SYNJ2: variants seen among roughly 807,000 people sequenced by gnomAD.
SYNJ2 encodes polyphosphatidylinositol phosphatase SYNJ2.
SYNJ2 carries 116 observed loss-of-function variants against 141.3 expected under a neutral mutation model. The observed-to-expected ratio is 0.82, with a 90% CI of 0.71 to 0.96. The LOEUF is 0.96. SYNJ2 is among the 40% of genes least tolerant of loss of function. The pLI, the probability that SYNJ2 is intolerant of heterozygous loss-of-function variation, is 0.00. For missense variants in SYNJ2, 1,873 were observed against 1,934.8 expected, an observed-to-expected ratio of 0.97 and a Z score of 0.60; for synonymous variants, 745 against 777.7, an observed-to-expected ratio of 0.96 and a Z score of 0.70.
intron 1 of SYNJ2, among the ~76,000 whole-genome samples, chr6:157,993,206 T>C (rs933895126): frequency 6.6e-6 from 1 of 152,222 alleles, no homozygotes; most frequent in African/African-American, 2.4e-5. Context: ...ATTGCCTGAC[T>C]TTTGGATGTA....
In SYNJ2 at chr6:158,040,788, G is replaced by A. The variant is rs927420335; in HGVS notation, c.712-2528G>A. Among the ~76,000 whole-genome samples, 5 of 152,196 alleles carry A rather than the reference G, an allele frequency of 3.3e-5. No homozygotes were observed. The highest frequency in any genetic ancestry group is 1.2e-4 in the African/African-American group (5 of 41,440). The stretch of plus-strand genomic sequence containing the variant: ...GGTTTCTGTTCCCACTGCTCTGGAA[G>A]CGTCACTCAGGGTCACCCTCTGGCT... On this transcript the variant is annotated intron_variant, in intron 4 of 26. Transcript: ENST00000355585. The surrounding 1 kb of genome is among the most constrained non-coding windows in gnomAD (Gnocchi z 4.2).
chr6:158,055,707 C>T (rs1335329227), intron 6 of SYNJ2, among the ~76,000 whole-genome samples: 2 of 152,060 alleles, frequency 1.3e-5, no homozygotes, highest in East Asian at 1.9e-4. Flanking sequence ...TAAAAATTCT[C>T]GAAAGTAATG....
At position 158,097,359 on chromosome 6, in the gene SYNJ2, A is replaced by G. The variant is rs117679349; in HGVS notation, c.*995A>G. ...CCAGTGTTTCTGGGTTTGCTTGTCT[A>G]TATGTTTGTCTATATTTTTTGCCTA... On this transcript the variant is annotated 3_prime_UTR_variant, in exon 27 of 27. Coordinates refer to ENST00000355585, the MANE Select transcript of SYNJ2 (RefSeq NM_003898.4). 21 of 152,254 alleles carry G rather than the reference A, an allele frequency of 1.4e-4. No homozygotes were observed. The East Asian group carries it at 4.1e-3, about 29-fold the overall frequency. 9.4% of individuals were successfully genotyped at this position (152,254 alleles called of 1,614,324 possible).
chr6:158,042,394 A>G (rs1009886133), intron 4 of SYNJ2, among the ~76,000 whole-genome samples: 3 of 152,184 alleles, frequency 2.0e-5, no homozygotes, highest in African/African-American at 7.2e-5. Context: ...GTGTGATCTG[A>G]GCGTGATCTC....
intron 1 of SYNJ2, among the ~76,000 whole-genome samples, chr6:157,993,846 GCT>G (rs1777546916): frequency 1.9e-5 from 2 of 104,934 alleles, no homozygotes; most frequent in South Asian, 7.1e-4. Flanking sequence ...ACGGAGTCTC[GCT>G]CTGTCTCCCA....
At chr6:157,995,733 G>A (rs1046274296) in intron 1 of SYNJ2, among the ~76,000 whole-genome samples, 3 of 152,152 alleles carry the variant, frequency 2.0e-5, no homozygotes, top group Non-Finnish European at 2.9e-5. Flanking sequence ...TCCGTGAGCC[G>A]GGTGACAAGC....
In SYNJ2 at chr6:158,084,317, G is replaced by C. The variant is rs534167886; in HGVS notation, c.3208+143G>C. 1 of 913,282 alleles carries C rather than the reference G, an allele frequency of 1.1e-6. No individual in the cohort carries two copies. Among genetic ancestry groups the C allele is most frequent in the East Asian group, 2.5e-5 (1 of 39,506 alleles). The allele number at this position is 913,282 out of a possible 1,614,324, so 56.6% of individuals were successfully genotyped here. On this transcript the variant is annotated intron_variant, in intron 22 of 26. Transcript: ENST00000355585. The surrounding 1 kb of genome is among the most constrained non-coding windows in gnomAD (Gnocchi z 5.0). ...GACCTCAACCAGGCAGGCCAAGCGA[G>C]GGGTAGGGACTGAGCCCTGTGGAGG...
rs1041099558 is a variant in SYNJ2 at position 157,981,866 on chromosome 6, ACT to A, written c.-93_-92del. 6.8e-5 allele frequency: 76 copies of A among 1,113,552 alleles called. No individual in the cohort carries two copies. The highest frequency in any genetic ancestry group is 1.1e-4 in the African/African-American group (7 of 61,452). The allele number at this position is 1,113,552 out of a possible 1,614,324, so 69.0% of individuals were successfully genotyped here. A position where few individuals can be genotyped will look rare whatever the true frequency, so the allele number is the denominator to read the frequency against. ...GGCGGGAGCGGCGGCGCAAAGTGAA[ACT>A]CTGGCAAGTTGCGGGCGCGCGGGGA... On this transcript the variant is annotated 5_prime_UTR_variant, in exon 1 of 27. Coordinates refer to ENST00000355585, the MANE Select transcript of SYNJ2 (RefSeq NM_003898.4). The surrounding 1 kb of genome is among the most constrained non-coding windows in gnomAD (Gnocchi z 6.4).
intron 1 of SYNJ2, among the ~76,000 whole-genome samples, chr6:157,996,301 G>A (rs190477696): frequency 1.3e-5 from 2 of 152,130 alleles, no homozygotes; most frequent in East Asian, 1.9e-4. Flanking sequence ...GAATCCCACC[G>A]AGTCCCCCGG....
At chr6:158,042,641 C>T (rs866616036) in intron 4 of SYNJ2, among the ~76,000 whole-genome samples, 77 of 152,328 alleles carry the variant, frequency 5.1e-4, no homozygotes, top group African/African-American at 1.6e-3. Context: ...AATAGCTGTA[C>T]GTGTGGGTGG....
At chr6:158,025,544 C>T (rs1778997090) in intron 2 of SYNJ2, among the ~76,000 whole-genome samples, 3 of 151,972 alleles carry the variant, frequency 2.0e-5, no homozygotes. Flanking sequence ...GGTATAATCC[C>T]AGCAACTCGG....
chr6:158,029,394 CAAAAAAAAAA>C (rs59043421), intron 3 of SYNJ2: 6,704 of 92,616 alleles, frequency 0.072, 237 homozygotes, highest in Non-Finnish European at 0.1. Flanking sequence ...ACTAAAAATA[CAAAAAAAAAA>C]AAAAAAAAAA....
rs1454828033 is a variant in SYNJ2 at position 158,071,810 on chromosome 6, G to A, written c.2133+16G>A. On this transcript the variant is annotated intron_variant, in intron 15 of 26. Coordinates refer to ENST00000355585, the MANE Select transcript of SYNJ2 (RefSeq NM_003898.4). The surrounding 1 kb of genome is among the most constrained non-coding windows in gnomAD (Gnocchi z 4.3). ...CTTCCCAATGGTGAGCGGCGCCGTG[G>A]GGACAGCCAGCACCTCCCTGCTCAG... 6.2e-7 allele frequency: 1 copy of A among 1,609,986 alleles called. No homozygotes were observed. The highest frequency in any genetic ancestry group is 1.1e-5 in the South Asian group (1 of 90,622).
intron 1 of SYNJ2, among the ~76,000 whole-genome samples, chr6:157,994,515 G>A (rs987480834): frequency 6.6e-6 from 1 of 152,248 alleles, no homozygotes; most frequent in African/African-American, 2.4e-5. Flanking sequence ...GGCCCTTCTG[G>A]GTGGGGGATC....
intron 2 of SYNJ2, among the ~76,000 whole-genome samples, chr6:158,020,019 C>A (rs1778672939): frequency 6.6e-6 from 1 of 152,274 alleles, no homozygotes; most frequent in Non-Finnish European, 1.5e-5. Flanking sequence ...AGTGTAGCTA[C>A]AACTGTGTGA....
intron 2 of SYNJ2, 103 bp from the exon 3 acceptor site, chr6:158,028,653 C>T: frequency 6.7e-7 from 1 of 1,490,618 alleles, no homozygotes; most frequent in Non-Finnish European, 9.0e-7. Flanking sequence ...ACAGACGTTG[C>T]CTTCCTGGCT....
intron 2 of SYNJ2, 164 bp from the exon 3 acceptor site, chr6:158,028,592 G>C: frequency 1.2e-6 from 1 of 867,634 alleles, no homozygotes; most frequent in Non-Finnish European, 1.8e-6. Context: ...ACAGGACAGG[G>C]CAGGTTCTTG....
rs890904168 is a variant in SYNJ2, at chr6:158,061,984, C to G, written c.955-8C>G. On this transcript the variant is annotated splice_region_variant and splice_polypyrimidine_tract_variant and intron_variant, in intron 7 of 26. Transcript: ENST00000355585. ...GCTCCCCTCACCGCCCTCCCCTCCT[C>G]TTTTCAGAAGCTGCTCTGGGCTTCT... The G allele has an allele frequency of 6.8e-6, 11 of 1,613,200 alleles. No individual in the cohort carries two copies. Among genetic ancestry groups the G allele is most frequent in the Non-Finnish European group, 9.3e-6 (11 of 1,179,674 alleles).
chr6:158,009,968 G>C (rs933323222), intron 1 of SYNJ2, among the ~76,000 whole-genome samples: 1 of 152,222 alleles, frequency 6.6e-6, no homozygotes, highest in Non-Finnish European at 1.5e-5. Context: ...TTTTGAGACA[G>C]GGTAGTGGTA....
Sources: allele counts gnomAD v4.1 joint callset (sites outside exome capture counted in the v4.1 genomes callset), GRCh38; gene constraint gnomAD v4.1.1; non-coding constraint Gnocchi (gnomAD v3.1); transcripts MANE v1.5; gene names NCBI Gene and HGNC (gene_info 2026-07-23, HGNC 2026-07-21).